THBS4: variants seen among roughly 807,000 people sequenced by gnomAD.
THBS4 encodes thrombospondin 4.
THBS4 carries 90 observed loss-of-function variants against 115.7 expected under a neutral mutation model. The observed-to-expected ratio is 0.78, with a 90% CI of 0.66 to 0.93. The LOEUF (loss-of-function observed/expected upper bound fraction) is 0.93, where lower values mean the gene tolerates loss of function less well. Ranked by LOEUF, THBS4 falls within the 40% of genes least tolerant of loss-of-function variation. THBS4 has a pLI of 0.00. For missense variants in THBS4, 1,087 were observed against 1,232.7 expected, an observed-to-expected ratio of 0.88 and a Z score of 1.77; for synonymous variants, 460 against 479.3, an observed-to-expected ratio of 0.96 and a Z score of 0.53.
intron 2 of THBS4, chr5:80,020,070 G>A (rs1832332329): frequency 6.5e-6 from 1 of 153,150 alleles, no homozygotes; most frequent in African/African-American, 2.4e-5. Flanking sequence ...TGTATTCTGT[G>A]TCAAATAAAG....
chr5:80,080,146 C>T, intron 20 of THBS4, 69 bp downstream of exon 20: 6 of 1,507,850 alleles, frequency 4.0e-6, no homozygotes, highest in Non-Finnish European at 3.6e-6. Context: ...ATCCCAGAGC[C>T]TTCATTTCCC....
intron 9 of THBS4, 88 bp from the exon 10 acceptor site, chr5:80,067,885 T>C: frequency 1.3e-6 from 2 of 1,488,414 alleles, no homozygotes; most frequent in Non-Finnish European, 9.1e-7. Flanking sequence ...TGAGTACCTG[T>C]GAAAATATAC....
At chr5:80,076,801 C>A in intron 15 of THBS4, 54 bp from the exon 16 acceptor site, 1 of 1,386,014 alleles carries the variant, frequency 7.2e-7, no homozygotes, top group Non-Finnish European at 9.5e-7. Flanking sequence ...AAAAATGGAT[C>A]CTTCCTGTTC....
chr5:80,073,529 G>A (rs200503107), intron 15 of THBS4, among the ~76,000 whole-genome samples: 3 of 151,946 alleles, frequency 2.0e-5, no homozygotes, highest in Non-Finnish European at 2.9e-5. Context: ...GACTACAGGC[G>A]CCCGCTACCA....
At chr5:80,082,946 T>G in intron 21 of THBS4, 134 bp from the exon 22 acceptor site, 1 of 788,850 alleles carries the variant, frequency 1.3e-6, no homozygotes, top group Non-Finnish European at 2.1e-6. Context: ...CAGGAGAAAA[T>G]GGCGGCGAGG....
chr5:80,025,345 C>T (rs570156145), intron 2 of THBS4, among the ~76,000 whole-genome samples: 2 of 152,298 alleles, frequency 1.3e-5, no homozygotes, highest in East Asian at 1.9e-4. Context: ...GTCATAATCT[C>T]GCAGAAGAAG....
chr5:80,068,187 C>G, intron 10 of THBS4, 62 bp downstream of exon 10: 1 of 1,588,700 alleles, frequency 6.3e-7, no homozygotes, highest in Non-Finnish European at 8.6e-7. Flanking sequence ...CCACCTCTCT[C>G]CAGTTTCTAT....
intron 5 of THBS4, among the ~76,000 whole-genome samples, 154 bp downstream of exon 5, chr5:80,058,944 A>G (rs1431784898): frequency 6.6e-6 from 1 of 152,136 alleles, no homozygotes; most frequent in African/African-American, 2.4e-5. Flanking sequence ...GCTCTGCTGG[A>G]AGTTCTCTGG....
At chr5:80,028,866 C>G (rs1367362481) in intron 2 of THBS4, among the ~76,000 whole-genome samples, 1 of 152,002 alleles carries the variant, frequency 6.6e-6, no homozygotes, top group East Asian at 1.9e-4. Context: ...TCCTGTACCC[C>G]CCTCCCTGTT....
Position 80,022,610 on chromosome 5 carries a change from T to A in THBS4, n.178-17467T>A, listed in dbSNP as rs555017213. Among the ~76,000 whole-genome samples, 13 of 152,352 alleles carry A rather than the reference T, an allele frequency of 8.5e-5. 1 individual carries two copies. The South Asian group carries it at 2.5e-3, about 29-fold the overall frequency. On this transcript the variant is annotated intron_variant and non_coding_transcript_variant, in intron 2 of 3. Coordinates refer to the THBS4 transcript ENST00000510218. Reference sequence around the variant, plus strand: ...GTTGTCTCAACACAAAAAGGTGCTCTATCAAACCAATCTTTCTCCCTAATT... The same window carrying A: ...GTTGTCTCAACACAAAAAGGTGCTCAATCAAACCAATCTTTCTCCCTAATT...
At chr5:80,038,316 T>C (rs1015828464) in intron 1 of THBS4, among the ~76,000 whole-genome samples, 3 of 152,208 alleles carry the variant, frequency 2.0e-5, no homozygotes, top group African/African-American at 7.2e-5. Context: ...GTTATACATA[T>C]AGTTTTAGAA....
At chr5:80,019,179 C>G (rs1580915357) in intron 2 of THBS4, among the ~76,000 whole-genome samples, 2 of 151,888 alleles carry the variant, frequency 1.3e-5, no homozygotes, top group East Asian at 1.9e-4. Context: ...AAATATTTAA[C>G]TTGAATCTAA....
At chr5:80,025,496 A>G (rs900886045) in intron 2 of THBS4, among the ~76,000 whole-genome samples, 1 of 152,168 alleles carries the variant, frequency 6.6e-6, no homozygotes, top group Non-Finnish European at 1.5e-5. Flanking sequence ...TGACCCCACA[A>G]GCAACTTTAG....
chr5:80,055,363 C>G (rs1169934717), intron 2 of THBS4, among the ~76,000 whole-genome samples: 15 of 151,660 alleles, frequency 9.9e-5, no homozygotes, highest in Non-Finnish European at 2.2e-4. Flanking sequence ...TTTAAAGCAC[C>G]TAAGGACAGC....
chr5:80,077,819 A>C (rs2112164197), intron 16 of THBS4, among the ~76,000 whole-genome samples: 2 of 152,254 alleles, frequency 1.3e-5, no homozygotes, highest in Admixed American at 1.3e-4. Context: ...TTGATCTTTC[A>C]AAAAACTCTG....
At chr5:80,065,205 T>C in intron 8 of THBS4, among the ~76,000 whole-genome samples, 1 of 152,170 alleles carries the variant, frequency 6.6e-6, no homozygotes, top group East Asian at 1.9e-4. Flanking sequence ...TTCAATACCA[T>C]GAAAGCAATT....
At position 80,028,115 on chromosome 5, in the gene THBS4, T is replaced by TGAGGCAGGAGTATCTTTTG. The variant is rs374795365; in HGVS notation, n.178-11961_178-11943dup. Among the ~76,000 whole-genome samples the TGAGGCAGGAGTATCTTTTG allele has an allele frequency of 5.1e-3, 780 of 152,162 alleles. 7 individuals carry two copies. Among genetic ancestry groups the TGAGGCAGGAGTATCTTTTG allele is most frequent in the African/African-American group, 0.018 (745 of 41,494 alleles). ...CTGCAATCCCAGCTACACAGGAGAC[T>TGAGGCAGGAGTATCTTTTG]GAGGCAGGAGTATCTTTTGAACCCA... On this transcript the variant is annotated intron_variant and non_coding_transcript_variant, in intron 2 of 3. Transcript: ENST00000510218.
At chr5:80,074,056 G>A (rs915089396) in intron 15 of THBS4, among the ~76,000 whole-genome samples, 1 of 152,106 alleles carries the variant, frequency 6.6e-6, no homozygotes, top group South Asian at 2.1e-4. Context: ...TAGGACCATC[G>A]TGAAGATTGA....
In THBS4 at chr5:80,035,921, G is replaced by C. The variant is rs1031235515; in HGVS notation, c.88+296G>C. The C allele has an allele frequency of 9.8e-7, 1 of 1,015,460 alleles. No individual in the cohort carries two copies. Among genetic ancestry groups the C allele is most frequent in the African/African-American group, 1.7e-5 (1 of 59,424 alleles). The allele number at this position is 1,015,460 out of a possible 1,614,324, so 62.9% of individuals were successfully genotyped here. ...CTTCAAAACTTGCTACACGGTCCTA[G>C]ACCTCTTAACATGTTAGGCTCTGGT... On this transcript the variant is annotated intron_variant, in intron 1 of 21. Transcript: ENST00000350881. This position sits in a 1 kb window ranked among gnomAD's most constrained non-coding sequence, Gnocchi z 4.6.
Sources: gnomAD v4.1 joint callset for allele counts (sites outside exome capture counted in the v4.1 genomes callset) on GRCh38, gnomAD v4.1.1 for gene constraint, Gnocchi (gnomAD v3.1) non-coding constraint, MANE v1.5 for transcripts, NCBI Gene and HGNC (gene_info 2026-07-23, HGNC 2026-07-21) for gene names.